Variants in RTN4RL1 observed in about 807,000 individuals in gnomAD.
RTN4RL1 encodes reticulon-4 receptor-like 1.
A neutral mutation model predicts 25.6 loss-of-function variants in RTN4RL1; 7 were observed. The ratio of observed to expected loss-of-function variants is 0.27; its 90% confidence interval spans 0.16 to 0.51. The LOEUF (loss-of-function observed/expected upper bound fraction) is 0.51, where lower values mean the gene tolerates loss of function less well. Among genes scored for constraint, RTN4RL1 ranks in the 20% least tolerant of loss-of-function variants. The probability of loss-of-function intolerance (pLI) is 0.97; values close to 1 mark genes in which losing one functional copy is unlikely to be tolerated. For missense variants in RTN4RL1, 500 were observed against 615.6 expected (o/e 0.81, Z 1.99); for synonymous variants, 297 against 288.2 (o/e 1.03, Z -0.31).
At chr17:1,939,124 G>A (rs538634825) in intron 1 of RTN4RL1, among the ~76,000 whole-genome samples, 35 of 151,906 alleles carry the variant, frequency 2.3e-4, no homozygotes, top group East Asian at 2.1e-3. Flanking sequence ...AGGCCGAGGC[G>A]GGCGGATCAC....
chr17:1,977,294 G>C (rs1417288381), intron 1 of RTN4RL1, among the ~76,000 whole-genome samples: 2 of 152,196 alleles, frequency 1.3e-5, no homozygotes, highest in African/African-American at 4.8e-5. Context: ...GGCAGAGTCA[G>C]GCCCGAGAGC....
chr17:2,004,150 C>T (rs1173688988), intron 1 of RTN4RL1, among the ~76,000 whole-genome samples: 1 of 151,722 alleles, frequency 6.6e-6, no homozygotes. Context: ...GGGTGGATCA[C>T]GAGGTCAACA....
In RTN4RL1 at chr17:1,936,090, T is replaced by G. The variant is rs1915297044; in HGVS notation, c.*406A>C. The stretch of plus-strand genomic sequence containing the variant: ...CGTGGGTGAGCCTCATTTGTTCTTC[T>G]CTGCGTCCTGCTTTCTCCAGGAACC... On this transcript the variant is annotated 3_prime_UTR_variant, in exon 2 of 2. Coordinates refer to ENST00000331238, the MANE Select transcript of RTN4RL1 (RefSeq NM_178568.4). 9.9e-7 allele frequency: 1 copy of G among 1,012,120 alleles called. No homozygotes were observed. The highest frequency in any genetic ancestry group is 1.2e-6 in the Non-Finnish European group (1 of 847,214). 62.7% of individuals were successfully genotyped at this position (1,012,120 alleles called of 1,614,324 possible). A position where few individuals can be genotyped will look rare whatever the true frequency, so the allele number is the denominator to read the frequency against.
intron 1 of RTN4RL1, among the ~76,000 whole-genome samples, chr17:1,963,730 T>C (rs982980781): frequency 1.1e-4 from 17 of 151,602 alleles, no homozygotes; most frequent in Non-Finnish European, 2.2e-4. Flanking sequence ...CGGAGTTTTT[T>C]CTTTTTCTTT....
chr17:2,010,729 AAAACAAACAAAC>A (rs141843187), intron 1 of RTN4RL1, among the ~76,000 whole-genome samples: 9 of 150,720 alleles, frequency 6.0e-5, no homozygotes, highest in African/African-American at 1.7e-4. Flanking sequence ...GGCTAATTAA[AAAACAAACAAAC>A]AAACAAACAA....
At chr17:2,007,332 GCCCCAA>G (rs1334009380) in intron 1 of RTN4RL1, among the ~76,000 whole-genome samples, 50 of 78,700 alleles carry the variant, frequency 6.4e-4, no homozygotes, top group Middle Eastern at 6.3e-3. Flanking sequence ...CATGTTCACA[GCCCCAA>G]CACACACACA....
intron 1 of RTN4RL1, among the ~76,000 whole-genome samples, chr17:2,001,933 A>AGGGGGGGG (rs1360523790): frequency 7.7e-6 from 1 of 129,478 alleles, no homozygotes; most frequent in African/African-American, 2.8e-5. Context: ...GCCCTGGGGG[A>AGGGGGGGG]GGGGAGGGGA....
intron 1 of RTN4RL1, among the ~76,000 whole-genome samples, chr17:2,000,705 A>C (rs1184285960): frequency 1.3e-5 from 2 of 151,534 alleles, no homozygotes; most frequent in Non-Finnish European, 2.9e-5. Context: ...TTTTTAGTAG[A>C]GATGGGGTTT....
At chr17:2,024,373 C>G in intron 1 of RTN4RL1, among the ~76,000 whole-genome samples, 1 of 152,204 alleles carries the variant, frequency 6.6e-6, no homozygotes, top group East Asian at 1.9e-4. Context: ...ACGTCCGCGT[C>G]CGGGCCCCGT....
At chr17:1,977,532 G>A (rs918087003) in intron 1 of RTN4RL1, among the ~76,000 whole-genome samples, 1 of 152,056 alleles carries the variant, frequency 6.6e-6, no homozygotes, top group African/African-American at 2.4e-5. Flanking sequence ...CCCCCACCCC[G>A]CCCGCCGGCC....
intron 1 of RTN4RL1, among the ~76,000 whole-genome samples, chr17:1,965,068 T>G (rs1330771761): frequency 6.6e-6 from 1 of 150,792 alleles, no homozygotes; most frequent in East Asian, 2.0e-4. Context: ...ATTACAGGCG[T>G]GAGCCACCGC....
At chr17:1,986,823 C>T (rs141843173) in intron 1 of RTN4RL1, among the ~76,000 whole-genome samples, 1 of 152,036 alleles carries the variant, frequency 6.6e-6, no homozygotes, top group Non-Finnish European at 1.5e-5. Flanking sequence ...GACTCAGGCC[C>T]TGCCCCCCGA....
At chr17:1,961,069 C>T (rs1170719887) in intron 1 of RTN4RL1, among the ~76,000 whole-genome samples, 1 of 152,232 alleles carries the variant, frequency 6.6e-6, no homozygotes, top group Non-Finnish European at 1.5e-5. Context: ...CCCCTTGTCG[C>T]TCCCTGTGAT....
chr17:1,976,332 G>A (rs2066842714), intron 1 of RTN4RL1, among the ~76,000 whole-genome samples: 1 of 152,260 alleles, frequency 6.6e-6, no homozygotes, highest in African/African-American at 2.4e-5. Context: ...GTCGGCCCAT[G>A]GCCTGGTCTG....
At chr17:1,975,182 A>G (rs1460976884) in intron 1 of RTN4RL1, among the ~76,000 whole-genome samples, 1 of 152,196 alleles carries the variant, frequency 6.6e-6, no homozygotes, top group Non-Finnish European at 1.5e-5. Context: ...TCCCCAGCAG[A>G]GAGGAGCTGT....
At chr17:1,972,331 A>AT (rs2066823984) in intron 1 of RTN4RL1, among the ~76,000 whole-genome samples, 1 of 20,452 alleles carries the variant, frequency 4.9e-5, no homozygotes, top group Non-Finnish European at 1.2e-4. Flanking sequence ...AATAAATAAA[A>AT]ATTTAAAAAA....
intron 1 of RTN4RL1, among the ~76,000 whole-genome samples, chr17:2,006,635 T>C (rs944806117): frequency 2.0e-5 from 3 of 151,908 alleles, no homozygotes; most frequent in Admixed American, 6.6e-5. Flanking sequence ...TTTTGTTTTG[T>C]TTTGAGACAG....
intron 1 of RTN4RL1, among the ~76,000 whole-genome samples, chr17:1,955,480 C>T (rs866440950): frequency 1.1e-4 from 17 of 151,688 alleles, no homozygotes; most frequent in Middle Eastern, 3.4e-3. Context: ...CACTTGAGCC[C>T]GGGAGGTCAA....
intron 1 of RTN4RL1, among the ~76,000 whole-genome samples, chr17:1,988,724 C>T (rs142423934): frequency 1.8e-4 from 27 of 152,182 alleles, no homozygotes; most frequent in Middle Eastern, 3.4e-3. Flanking sequence ...GACCTGACCT[C>T]GTCTGGAAGG....
Sources: allele counts gnomAD v4.1 joint callset (sites outside exome capture counted in the v4.1 genomes callset), GRCh38; gene constraint gnomAD v4.1.1; transcripts MANE v1.5; gene names NCBI Gene and HGNC (gene_info 2026-07-23, HGNC 2026-07-21).